Variants in TMEM178B observed in about 807,000 individuals in gnomAD.
TMEM178B encodes transmembrane protein 178B.
A neutral mutation model predicts 31.0 loss-of-function variants in TMEM178B; 5 were observed. The ratio of observed to expected loss-of-function variants is 0.16; its 90% confidence interval spans 0.08 to 0.34. TMEM178B has a LOEUF of 0.34. TMEM178B is among the 10% of genes least tolerant of loss of function. The pLI, the probability that TMEM178B is intolerant of heterozygous loss-of-function variation, is 1.00. For missense variants in TMEM178B, 275 were observed against 400.3 expected (o/e 0.69, Z 2.67); for synonymous variants, 164 against 164.0 (o/e 1.00, Z 0.00).
At chr7:141,140,864 A>G (rs958000545) in intron 1 of TMEM178B, among the ~76,000 whole-genome samples, 3 of 152,200 alleles carry the variant, frequency 2.0e-5, no homozygotes, top group Non-Finnish European at 4.4e-5. Context: ...TCAAGGGTGC[A>G]TGCTATCAAT....
intron 1 of TMEM178B, among the ~76,000 whole-genome samples, chr7:141,179,227 C>T (rs371615938): frequency 6.6e-4 from 101 of 151,980 alleles, no homozygotes; most frequent in African/African-American, 2.4e-3. Context: ...CCTCCTCCAG[C>T]CTAGTTTAGT....
In TMEM178B at chr7:141,074,736, C is replaced by G; in HGVS notation, c.382+44C>G. 6.9e-7 allele frequency: 1 copy of G among 1,440,006 alleles called. No homozygotes were observed. The highest frequency in any genetic ancestry group is 9.1e-7 in the Non-Finnish European group (1 of 1,102,338). 89.2% of individuals were successfully genotyped at this position (1,440,006 alleles called of 1,614,324 possible). A position where few individuals can be genotyped will look rare whatever the true frequency, so the allele number is the denominator to read the frequency against. Reference sequence around the variant, plus strand: ...GCGTGGCGCTGCGGAGAGCCCGGCGCCTTTAGGCCCCGCAGCCCCTCGCGT... The same window carrying G: ...GCGTGGCGCTGCGGAGAGCCCGGCGGCTTTAGGCCCCGCAGCCCCTCGCGT... On this transcript the variant is annotated intron_variant, in intron 1 of 3. Coordinates refer to ENST00000565468, the MANE Select transcript of TMEM178B (RefSeq NM_001195278.2). The surrounding 1 kb of genome is among the most constrained non-coding windows in gnomAD (Gnocchi z 5.1).
At position 141,444,727 on chromosome 7, in the gene TMEM178B, A is replaced by G. The variant is rs565169305; in HGVS notation, c.634+6982A>G. 2.6e-5 allele frequency among the ~76,000 whole-genome samples: 4 copies of G among 152,252 alleles called. No homozygotes were observed. In the East Asian group the frequency reaches 7.7e-4, roughly 29 times the overall value. On this transcript the variant is annotated intron_variant, in intron 3 of 3. Transcript: ENST00000565468. ...AGGTCACCTGGCCAGTGAGTGGCAG[A>G]TGAGAGCTGGAGCCCAGCCTGGGAC...
At chr7:141,103,428 T>C (rs1795090503) in intron 1 of TMEM178B, among the ~76,000 whole-genome samples, 1 of 152,148 alleles carries the variant, frequency 6.6e-6, no homozygotes, top group Admixed American at 6.5e-5. Flanking sequence ...CCTTTCTGAG[T>C]TTCCCTGTCT....
At chr7:141,281,835 G>A (rs1798366729) in intron 2 of TMEM178B, among the ~76,000 whole-genome samples, 1 of 152,170 alleles carries the variant, frequency 6.6e-6, no homozygotes, top group African/African-American at 2.4e-5. Context: ...GAAAGCGGCA[G>A]GCCAAGTGGC....
At position 141,074,748 on chromosome 7, in the gene TMEM178B, G is replaced by A; in HGVS notation, c.382+56G>A. On this transcript the variant is annotated intron_variant, in intron 1 of 3. Coordinates refer to ENST00000565468, the MANE Select transcript of TMEM178B (RefSeq NM_001195278.2). The surrounding 1 kb of genome is among the most constrained non-coding windows in gnomAD (Gnocchi z 5.1). The stretch of plus-strand genomic sequence containing the variant: ...GGAGAGCCCGGCGCCTTTAGGCCCC[G>A]CAGCCCCTCGCGTCTCCTTCCCAGG... 7.0e-7 allele frequency: 1 copy of A among 1,436,894 alleles called. No homozygotes were observed. Among genetic ancestry groups the A allele is most frequent in the South Asian group, 1.5e-5 (1 of 67,922 alleles). The allele number at this position is 1,436,894 out of a possible 1,614,324, so 89.0% of individuals were successfully genotyped here.
downstream of TMEM178B, among the ~76,000 whole-genome samples, chr7:141,485,157 A>T (rs1802535387): frequency 2.0e-5 from 3 of 152,122 alleles, no homozygotes; most frequent in African/African-American, 7.2e-5. Context: ...ACAGGAGAGG[A>T]GCTTGCTTTT....
intron 1 of TMEM178B, among the ~76,000 whole-genome samples, chr7:141,155,952 C>A (rs1796063051): frequency 6.6e-6 from 1 of 152,154 alleles, no homozygotes; most frequent in Admixed American, 6.5e-5. Context: ...GTAATCTCAA[C>A]TACTTGAGAG....
rs368511264 is a variant in TMEM178B at position 141,380,281 on chromosome 7, A to AAATCT, written c.497-57321_497-57317dup. Among the ~76,000 whole-genome samples, 802 of 152,312 alleles carry AAATCT rather than the reference A, an allele frequency of 5.3e-3. 7 individuals are homozygous for AAATCT. The highest frequency in any genetic ancestry group is 0.019 in the African/African-American group (774 of 41,568). On this transcript the variant is annotated intron_variant, in intron 2 of 3. Transcript: ENST00000565468. The stretch of plus-strand genomic sequence containing the variant: ...TGTCAGCATTTGTTCACTGTGCACA[A>AAATCT]AATCTAATCTTTAAGTCATATTCTG...
At chr7:141,230,825 A>G (rs1739004413) in intron 2 of TMEM178B, among the ~76,000 whole-genome samples, 1 of 152,012 alleles carries the variant, frequency 6.6e-6, no homozygotes, top group Admixed American at 6.5e-5. Flanking sequence ...TATTTTTTGT[A>G]GATTACAAGA....
chr7:141,451,298 T>C (rs1250151339), intron 3 of TMEM178B, among the ~76,000 whole-genome samples: 1 of 152,222 alleles, frequency 6.6e-6, no homozygotes, highest in Admixed American at 6.5e-5. Flanking sequence ...GAGAATTAAA[T>C]GAGTTGATGT....
chr7:141,228,147 C>CATCATTTTT (rs1797376513), intron 2 of TMEM178B, among the ~76,000 whole-genome samples: 1 of 152,114 alleles, frequency 6.6e-6, no homozygotes, highest in South Asian at 2.1e-4. Flanking sequence ...TCAGGTCTCA[C>CATCATTTTT]ATCATTTTTA....
chr7:141,459,884 A>G (rs933449956), intron 3 of TMEM178B, among the ~76,000 whole-genome samples: 5 of 151,690 alleles, frequency 3.3e-5, no homozygotes, highest in African/African-American at 1.2e-4. Flanking sequence ...AAAAGAACAA[A>G]TGGATTGAAG....
intron 2 of TMEM178B, among the ~76,000 whole-genome samples, chr7:141,363,268 G>A (rs1210446297): frequency 6.6e-6 from 1 of 152,094 alleles, no homozygotes; most frequent in Non-Finnish European, 1.5e-5. Context: ...ATTCCTTTAG[G>A]ATCTTGCTGT....
intron 2 of TMEM178B, among the ~76,000 whole-genome samples, chr7:141,312,798 G>A (rs548463724): frequency 6.6e-5 from 10 of 152,326 alleles, no homozygotes; most frequent in Middle Eastern, 6.8e-3. Flanking sequence ...TAAAGCAGGT[G>A]GAAGCCTTTC....
chr7:141,154,554 G>A (rs919894837), intron 1 of TMEM178B, among the ~76,000 whole-genome samples: 12 of 152,086 alleles, frequency 7.9e-5, no homozygotes, highest in Non-Finnish European at 1.8e-4. Flanking sequence ...TGCTTTTCTG[G>A]GTCAGGGCAG....
chr7:141,262,301 T>C (rs974925664), intron 2 of TMEM178B, among the ~76,000 whole-genome samples: 8 of 152,182 alleles, frequency 5.3e-5, no homozygotes, highest in Non-Finnish European at 1.0e-4. Flanking sequence ...TCTTTCTCCC[T>C]CTGCTGGCTC....
chr7:141,080,717 G>A (rs1031738008), intron 1 of TMEM178B, among the ~76,000 whole-genome samples: 4 of 152,216 alleles, frequency 2.6e-5, no homozygotes, highest in East Asian at 1.9e-4. Context: ...CTTACGAAGC[G>A]CAAAGGGGAA....
chr7:141,074,219 CA>C lies in TMEM178B; in HGVS notation c.-91del, dbSNP rs926441436. On this transcript the variant is annotated 5_prime_UTR_variant, in exon 1 of 4. Coordinates refer to ENST00000565468, the MANE Select transcript of TMEM178B (RefSeq NM_001195278.2). The surrounding 1 kb of genome is among the most constrained non-coding windows in gnomAD (Gnocchi z 5.1). ...CGAGTCCCTCTCCTGCCCCCTCCCC[CA>C]GCTCGGCCGCCCGCCGCTTTGTTCC... 1 of 1,433,936 alleles carries C rather than the reference CA, an allele frequency of 7.0e-7. No individual in the cohort carries two copies. Among genetic ancestry groups the C allele is most frequent in the Non-Finnish European group, 9.1e-7 (1 of 1,097,104 alleles). 88.8% of individuals were successfully genotyped at this position (1,433,936 alleles called of 1,614,324 possible). A position where few individuals can be genotyped will look rare whatever the true frequency, so the allele number is the denominator to read the frequency against.
Sources: allele counts gnomAD v4.1 joint callset (sites outside exome capture counted in the v4.1 genomes callset), GRCh38; gene constraint gnomAD v4.1.1; non-coding constraint Gnocchi (gnomAD v3.1); transcripts MANE v1.5; gene names NCBI Gene and HGNC (gene_info 2026-07-23, HGNC 2026-07-21).